The following EIPR1 variants were observed in gnomAD, a reference collection of about 807,000 sequenced individuals.
EIPR1 encodes the protein EARP and GARP complex-interacting protein 1.
EIPR1 carries 25 observed loss-of-function variants against 48.1 expected under a neutral mutation model. The observed-to-expected ratio is 0.52, with a 90% CI of 0.38 to 0.73. EIPR1 has a LOEUF of 0.73. EIPR1 is among the 30% of genes least tolerant of loss of function. The pLI is 0.00. For missense variants in EIPR1, 415 were observed against 506.2 expected, an observed-to-expected ratio of 0.82 and a Z score of 1.73; for synonymous variants, 204 against 201.9, an observed-to-expected ratio of 1.01 and a Z score of -0.09.
chr2:3,251,682 G>A (rs980387494), intron 4 of EIPR1, among the ~76,000 whole-genome samples: 4 of 152,018 alleles, frequency 2.6e-5, no homozygotes, highest in Non-Finnish European at 5.9e-5. Flanking sequence ...TAAAAAGAAG[G>A]GCATTTTGTT....
At chr2:3,266,063 G>A (rs576313972) in intron 3 of EIPR1, among the ~76,000 whole-genome samples, 8 of 152,354 alleles carry the variant, frequency 5.3e-5, no homozygotes, top group East Asian at 3.9e-4. Context: ...GCATATTCGC[G>A]ACTGCCAACT....
intron 1 of EIPR1, among the ~76,000 whole-genome samples, chr2:3,368,502 T>C (rs1271447342): frequency 6.8e-6 from 1 of 146,060 alleles, no homozygotes; most frequent in African/African-American, 2.5e-5. Flanking sequence ...CTTAGTCACA[T>C]GCCTGCCCCC....
intron 3 of EIPR1, among the ~76,000 whole-genome samples, chr2:3,259,346 G>A (rs538568837): frequency 1.5e-3 from 213 of 144,236 alleles, no homozygotes; most frequent in African/African-American, 5.2e-3. Flanking sequence ...TGTAAAGAAA[G>A]TGACTTTCCT....
intron 5 of EIPR1, among the ~76,000 whole-genome samples, chr2:3,202,206 G>A (rs980400172): frequency 6.6e-6 from 1 of 152,178 alleles, no homozygotes; most frequent in Non-Finnish European, 1.5e-5. Flanking sequence ...CAAAGTGCTG[G>A]GATTACAGGC....
chr2:3,285,979 C>T (rs1252598472), intron 3 of EIPR1, among the ~76,000 whole-genome samples: 2 of 152,246 alleles, frequency 1.3e-5, no homozygotes, highest in African/African-American at 2.4e-5. Flanking sequence ...GGGACCCTCA[C>T]TTTGGAAGCA....
At chr2:3,343,422 A>T (rs1406444380) in intron 2 of EIPR1, among the ~76,000 whole-genome samples, 1 of 152,250 alleles carries the variant, frequency 6.6e-6, no homozygotes, top group African/African-American at 2.4e-5. Flanking sequence ...AGGGCCCAAA[A>T]GAAAGACCCA....
intron 2 of EIPR1, among the ~76,000 whole-genome samples, chr2:3,343,863 T>C (rs979847547): frequency 1.3e-5 from 2 of 151,948 alleles, no homozygotes; most frequent in African/African-American, 4.8e-5. Flanking sequence ...GTCCATTTCA[T>C]CTGCGCTTCT....
intron 3 of EIPR1, among the ~76,000 whole-genome samples, chr2:3,265,251 A>G (rs1278393300): frequency 6.6e-6 from 1 of 151,476 alleles, no homozygotes; most frequent in Non-Finnish European, 1.5e-5. Flanking sequence ...ACGAAGCTGC[A>G]CACGTTGCTG....
At chr2:3,206,478 G>C (rs953767463) in intron 5 of EIPR1, among the ~76,000 whole-genome samples, 2 of 152,242 alleles carry the variant, frequency 1.3e-5, no homozygotes, top group East Asian at 1.9e-4. Flanking sequence ...TGGAAGAGTA[G>C]AGCCTTCCTG....
intron 3 of EIPR1, among the ~76,000 whole-genome samples, chr2:3,317,091 G>A (rs530085710): frequency 4.0e-4 from 60 of 149,328 alleles, no homozygotes; most frequent in African/African-American, 1.4e-3. Context: ...CGCACTGACC[G>A]AGCTGAGGGC....
intron 5 of EIPR1, among the ~76,000 whole-genome samples, chr2:3,200,619 G>A (rs1252509438): frequency 6.6e-6 from 1 of 151,192 alleles, no homozygotes; most frequent in East Asian, 2.0e-4. Context: ...GGGGCCTCGG[G>A]AAGCCTGTCC....
At chr2:3,234,677 G>A (rs1373576844) in intron 4 of EIPR1, among the ~76,000 whole-genome samples, 3 of 152,254 alleles carry the variant, frequency 2.0e-5, no homozygotes, top group Non-Finnish European at 2.9e-5. Flanking sequence ...GTAAAAGTGC[G>A]GGACGCTGTT....
chr2:3,323,181 A>G (rs1478197293), intron 3 of EIPR1, among the ~76,000 whole-genome samples: 4 of 152,120 alleles, frequency 2.6e-5, no homozygotes, highest in African/African-American at 9.7e-5. Flanking sequence ...ATTTCATTCC[A>G]TATTTGCAAT....
Position 3,302,519 on chromosome 2 carries a change from G to T in EIPR1, c.259+35498C>A, listed in dbSNP as rs938647755. On this transcript the variant is annotated intron_variant, in intron 3 of 8. Transcript: ENST00000382125. ...TTTGCCTCCCAGTTCTTTTCTGTTG[G>T]CTGCTTCTCCTTCTGCTGCTGGGCT... Among the ~76,000 whole-genome samples the T allele has an allele frequency of 7.2e-5, 11 of 152,166 alleles. 1 individual carries two copies. Among genetic ancestry groups the T allele is most frequent in the Admixed American group, 6.5e-4 (10 of 15,276 alleles).
chr2:3,227,094 C>T (rs901512196), intron 4 of EIPR1, among the ~76,000 whole-genome samples: 10 of 152,050 alleles, frequency 6.6e-5, no homozygotes, highest in Admixed American at 2.6e-4. Context: ...TAAAGACACC[C>T]GAAAATGTGG....
At position 3,229,170 on chromosome 2, in the gene EIPR1, G is replaced by A. The variant is rs539441088; in HGVS notation, c.417-14922C>T. Among the ~76,000 whole-genome samples the A allele has an allele frequency of 6.2e-4, 94 of 152,292 alleles. 1 individual carries two copies. In the Middle Eastern group the frequency reaches 0.024, roughly 39 times the overall value. On this transcript the variant is annotated intron_variant, in intron 4 of 8. Coordinates refer to ENST00000382125, the MANE Select transcript of EIPR1 (RefSeq NM_003310.5). ...CATGAGCCACTGGTATAAAATATTT[G>A]TAAAATCAACCAGAAAAGATTTTGC...
chr2:3,330,562 T>C (rs914243615), intron 3 of EIPR1, among the ~76,000 whole-genome samples: 6 of 103,466 alleles, frequency 5.8e-5, no homozygotes, highest in African/African-American at 9.2e-5. Context: ...GAGGTAGGAA[T>C]GCGCACACTC....
chr2:3,254,885 G>T (rs1193775848), intron 4 of EIPR1, among the ~76,000 whole-genome samples: 1 of 152,130 alleles, frequency 6.6e-6, no homozygotes, highest in African/African-American at 2.4e-5. Context: ...AAGTTCAGTG[G>T]GCTGTATCAA....
At chr2:3,207,520 G>C (rs6731356) in intron 5 of EIPR1, among the ~76,000 whole-genome samples, 139,961 of 152,314 alleles carry the variant, frequency 0.92, 64,568 homozygotes, top group East Asian at 0.98. Flanking sequence ...ATTACAAAAG[G>C]CAGAGGCTCT....
Sources: gnomAD v4.1 joint callset for allele counts (sites outside exome capture counted in the v4.1 genomes callset) on GRCh38, gnomAD v4.1.1 for gene constraint, MANE v1.5 for transcripts, NCBI Gene and HGNC (gene_info 2026-07-23, HGNC 2026-07-21) for gene names.